The following RUFY3 variants were observed in gnomAD, a reference collection of about 807,000 sequenced individuals.
RUFY3 encodes protein RUFY3.
A neutral mutation model predicts 84.0 loss-of-function variants in RUFY3; 34 were observed. The observed-to-expected ratio is 0.40, with a 90% CI of 0.31 to 0.54. The LOEUF (loss-of-function observed/expected upper bound fraction) is 0.54, where lower values mean the gene tolerates loss of function less well. Among genes scored for constraint, RUFY3 ranks in the 20% least tolerant of loss-of-function variants. The pLI, the probability that RUFY3 is intolerant of heterozygous loss-of-function variation, is 0.39. For synonymous variants in RUFY3, 242 were observed against 252.9 expected, an observed-to-expected ratio of 0.96 and a Z score of 0.41; for missense variants, 507 against 736.8, an observed-to-expected ratio of 0.69 and a Z score of 3.61.
chr4:70,723,398 C>A (rs941652365), intron 1 of RUFY3, among the ~76,000 whole-genome samples: 2 of 152,102 alleles, frequency 1.3e-5, no homozygotes, highest in South Asian at 4.1e-4. Flanking sequence ...CTATAGATTA[C>A]AATAGAATGG....
intron 1 of RUFY3, among the ~76,000 whole-genome samples, chr4:70,725,163 C>T (rs1315793849): frequency 6.6e-6 from 1 of 152,110 alleles, no homozygotes; most frequent in Non-Finnish European, 1.5e-5. Flanking sequence ...ATTTTATTTT[C>T]TTAAAACCAG....
chr4:70,785,850 A>T (rs1405104209), intron 10 of RUFY3, among the ~76,000 whole-genome samples: 2 of 152,132 alleles, frequency 1.3e-5, no homozygotes, highest in Non-Finnish European at 2.9e-5. Context: ...AATAAAAAAT[A>T]AATTAATTAA....
chr4:70,789,581 A>G lies in RUFY3; in HGVS notation c.1326A>G (p.Gln442=), dbSNP rs751163328. The G allele has an allele frequency of 6.2e-6, 10 of 1,612,462 alleles. No homozygotes were observed. The East Asian group carries it at 2.2e-4, about 36-fold the overall frequency. The change falls in exon 12 of 18, where the codon CAA becomes CAG. Residue 442 remains glutamine (Q), a synonymous_variant. Transcript: ENST00000381006. Reference sequence around the variant, plus strand: ...ATCAGATGGCTGCTACCATTAAACAACTTGAACAAAGGTAAAAGTCCTGTT... The same window carrying G: ...ATCAGATGGCTGCTACCATTAAACAGCTTGAACAAAGGTAAAAGTCCTGTT... ...KTNQMAATIK[Q]LEQRLRQAER...
chr4:70,743,469 T>G (rs1429611178), intron 1 of RUFY3, among the ~76,000 whole-genome samples: 1 of 152,160 alleles, frequency 6.6e-6, no homozygotes, highest in Non-Finnish European at 1.5e-5. Flanking sequence ...TACATAAAGT[T>G]TATCCCCTTC....
Position 70,800,146 on chromosome 4 carries a change from G to C in RUFY3, c.1563G>C (p.Gly521=). ...GGGCTGTTTTCTTTTGGCAGGATGG[G>C]AAGCACAAAATGCAAGAGGAAAATG... The part of the protein sequence containing the change: ...GSQKSESKMD[G]KHKMQEENVK... The change falls in exon 15 of 18, where the codon GGG becomes GGC. Residue 521 remains glycine (G), a synonymous_variant. Coordinates refer to ENST00000381006, the MANE Select transcript of RUFY3 (RefSeq NM_001037442.4). 6.2e-7 allele frequency: 1 copy of C among 1,605,426 alleles called. No individual in the cohort carries two copies. The highest frequency in any genetic ancestry group is 8.5e-7 in the Non-Finnish European group (1 of 1,177,844).
At chr4:70,721,051 C>T (rs547897679), upstream of RUFY3, among the ~76,000 whole-genome samples, 119 of 152,148 alleles carry the variant, frequency 7.8e-4, no homozygotes, top group African/African-American at 2.7e-3. Flanking sequence ...TGGTGGCTCA[C>T]GCCTGTAATC....
At chr4:70,711,637 C>T (rs1741008582) in intron 1 of RUFY3, among the ~76,000 whole-genome samples, 1 of 152,180 alleles carries the variant, frequency 6.6e-6, no homozygotes, top group Non-Finnish European at 1.5e-5. Context: ...AAGCACCCAC[C>T]CACATACAAA....
At chr4:70,792,161 T>C (rs1730931361) in intron 12 of RUFY3, 2 of 985,280 alleles carry the variant, frequency 2.0e-6, no homozygotes, top group Non-Finnish European at 2.4e-6. Flanking sequence ...ATTTTTCGTA[T>C]CCTGCTTTTC....
At chr4:70,705,110 C>A in exon 1 of RUFY3, 1 of 1,424,462 alleles carries the variant, frequency 7.0e-7, no homozygotes, top group Middle Eastern at 2.5e-4. Flanking sequence ...CGGAGCCCGA[C>A]TCGCCGGTGG....
rs1449101195 is a variant in RUFY3 at position 70,807,660 on chromosome 4, T to G, written c.*1001T>G. On this transcript the variant is annotated 3_prime_UTR_variant, in exon 18 of 18. Coordinates refer to ENST00000381006, the MANE Select transcript of RUFY3 (RefSeq NM_001037442.4). Reference sequence around the variant, plus strand: ...CCTTAGCCTCCCAAGTAGCTGGGACTGGCTTTTTTTTTTTTTTTTTGGCCG... The same window carrying G: ...CCTTAGCCTCCCAAGTAGCTGGGACGGGCTTTTTTTTTTTTTTTTTGGCCG... Among the ~76,000 whole-genome samples the G allele has an allele frequency of 6.7e-6, 1 of 148,726 alleles. No individual in the cohort carries two copies. Among genetic ancestry groups the G allele is most frequent in the African/African-American group, 2.5e-5 (1 of 40,044 alleles).
intron 10 of RUFY3, among the ~76,000 whole-genome samples, chr4:70,788,005 G>A (rs182405120): frequency 5.3e-4 from 80 of 152,236 alleles, no homozygotes; most frequent in Non-Finnish European, 9.7e-4. Flanking sequence ...TTCTGTTAGC[G>A]GCCGAGTGTG....
At chr4:70,731,542 G>A (rs1385759010) in intron 1 of RUFY3, among the ~76,000 whole-genome samples, 1 of 152,172 alleles carries the variant, frequency 6.6e-6, no homozygotes, top group Admixed American at 6.5e-5. Flanking sequence ...TGAAGCAGAT[G>A]TACAAAAGCA....
chr4:70,789,068 A>G (rs1730380595), intron 11 of RUFY3, 95 bp downstream of exon 11: 2 of 1,490,012 alleles, frequency 1.3e-6, no homozygotes, highest in African/African-American at 2.8e-5. Context: ...TTTAATTACA[A>G]GAGGAAAGAA....
At chr4:70,713,324 G>A (rs902951445) in intron 1 of RUFY3, among the ~76,000 whole-genome samples, 1 of 152,148 alleles carries the variant, frequency 6.6e-6, no homozygotes, top group African/African-American at 2.4e-5. Context: ...TGCCTGGCCA[G>A]GAAATGTTTT....
At chr4:70,805,346 G>A (rs1421845018) in intron 17 of RUFY3, among the ~76,000 whole-genome samples, 4 of 152,198 alleles carry the variant, frequency 2.6e-5, no homozygotes, top group African/African-American at 9.6e-5. Context: ...AGTTAAGGAA[G>A]TATTCAGAAA....
At chr4:70,724,633 A>T (rs1292789272) in intron 1 of RUFY3, among the ~76,000 whole-genome samples, 1 of 152,232 alleles carries the variant, frequency 6.6e-6, no homozygotes, top group African/African-American at 2.4e-5. Context: ...AAGACCTGTA[A>T]TCAACTATAG....
chr4:70,747,192 A>G (rs1015739570), intron 1 of RUFY3, among the ~76,000 whole-genome samples: 4 of 152,228 alleles, frequency 2.6e-5, no homozygotes, highest in African/African-American at 4.8e-5. Flanking sequence ...ATAGAGTTCA[A>G]ACTCCCACAG....
intron 15 of RUFY3, among the ~76,000 whole-genome samples, chr4:70,801,559 A>C (rs1732233861): frequency 6.6e-6 from 1 of 152,214 alleles, no homozygotes; most frequent in Non-Finnish European, 1.5e-5. Context: ...AGTGATGAGG[A>C]ATGATACCAC....
chr4:70,741,234 G>A (rs1180099633), intron 1 of RUFY3, among the ~76,000 whole-genome samples: 2 of 151,276 alleles, frequency 1.3e-5, no homozygotes, highest in Admixed American at 6.6e-5. Context: ...GAAATATATC[G>A]CACATACTTT....
Sources: gnomAD v4.1 joint callset for allele counts (sites outside exome capture counted in the v4.1 genomes callset) on GRCh38, gnomAD v4.1.1 for gene constraint, MANE v1.5 for transcripts, NCBI Gene and HGNC (gene_info 2026-07-23, HGNC 2026-07-21) for gene names.